Variants in AKR1E2 observed in about 807,000 individuals in gnomAD.
The protein encoded by AKR1E2 is 1,5-anhydro-D-fructose reductase.
A neutral mutation model predicts 41.9 loss-of-function variants in AKR1E2; 43 were observed. That is an observed-to-expected ratio of 1.03 (90% confidence interval 0.80 to 1.32). The LOEUF is 1.32. AKR1E2 is among the 40% of genes most tolerant of loss of function. AKR1E2 has a pLI of 0.00. For missense variants in AKR1E2, 423 were observed against 396.5 expected (o/e 1.07, Z -0.57); for synonymous variants, 121 against 138.9 (o/e 0.87, Z 0.91).
At chr10:4,844,059 G>A (rs538148612) in intron 8 of AKR1E2, among the ~76,000 whole-genome samples, 286 of 152,332 alleles carry the variant, frequency 1.9e-3, no homozygotes, top group African/African-American at 6.6e-3. Context: ...GAATTGGTGG[G>A]TTCTTGGTCT....
intron 4 of AKR1E2, 23 bp downstream of exon 4, chr10:4,835,832 G>A: frequency 6.2e-7 from 1 of 1,612,350 alleles, no homozygotes; most frequent in Non-Finnish European, 8.5e-7. Context: ...ACACCACCAG[G>A]CAGCCTCATC....
At position 4,835,820 on chromosome 10, in the gene AKR1E2, C is replaced by G. The variant is rs183306287; in HGVS notation, c.459+11C>G. The G allele has an allele frequency of 6.2e-7, 1 of 1,613,142 alleles. No individual in the cohort carries two copies. The highest frequency in any genetic ancestry group is 2.2e-5 in the East Asian group (1 of 44,846). ...CTGGACACGTGGGAGGTGAGCTGAG[C>G]CACACCACCAGGCAGCCTCATCCTG... On this transcript the variant is annotated intron_variant, in intron 4 of 9. Transcript: ENST00000298375.
chr10:4,833,534 T>C, intron 3 of AKR1E2, 68 bp downstream of exon 3: 1 of 1,350,170 alleles, frequency 7.4e-7, no homozygotes, highest in South Asian at 1.2e-5. Context: ...CACCCTGTCT[T>C]GCGGTGGGGA....
downstream of AKR1E2, among the ~76,000 whole-genome samples, chr10:4,848,287 G>A (rs1038335920): frequency 6.6e-6 from 1 of 152,204 alleles, no homozygotes; most frequent in African/African-American, 2.4e-5. Flanking sequence ...CCATAGCGGA[G>A]ATGAAATACA....
chr10:4,872,749 A>G, the AKR1E2 span, among the ~76,000 whole-genome samples: 1 of 152,224 alleles, frequency 6.6e-6, no homozygotes, highest in African/African-American at 2.4e-5. Context: ...CTAATGTGGT[A>G]AAGATAAAAT....
At chr10:4,836,592 A>G (rs2131529430) in intron 4 of AKR1E2, among the ~76,000 whole-genome samples, 1 of 152,284 alleles carries the variant, frequency 6.6e-6, no homozygotes, top group Non-Finnish European at 1.5e-5. Context: ...TCCAGGGAGG[A>G]GGCCAGAGGG....
intron 1 of AKR1E2, among the ~76,000 whole-genome samples, chr10:4,827,893 G>C (rs78533947): frequency 0.035 from 5,328 of 152,228 alleles, 151 homozygotes; most frequent in East Asian, 0.11. Flanking sequence ...TTTGGTGCAG[G>C]AGTCCAGACT....
chr10:4,829,936 A>G (rs1000421131), intron 1 of AKR1E2, among the ~76,000 whole-genome samples: 2 of 151,856 alleles, frequency 1.3e-5, no homozygotes, highest in Admixed American at 6.6e-5. Context: ...TTTCCATCCA[A>G]TTTCTTGGGT....
the AKR1E2 span, among the ~76,000 whole-genome samples, chr10:4,857,734 A>G: frequency 2.6e-5 from 4 of 152,304 alleles, no homozygotes; most frequent in East Asian, 7.7e-4. Context: ...TTGGTAGGTT[A>G]TGTGTTTCTA....
At chr10:4,828,081 G>C (rs1467996010) in intron 1 of AKR1E2, among the ~76,000 whole-genome samples, 1 of 152,194 alleles carries the variant, frequency 6.6e-6, no homozygotes, top group Non-Finnish European at 1.5e-5. Flanking sequence ...AAACATCACA[G>C]ACCTATCCGT....
chr10:4,835,368 G>A (rs1376916108), intron 3 of AKR1E2, among the ~76,000 whole-genome samples: 1 of 152,182 alleles, frequency 6.6e-6, no homozygotes, highest in East Asian at 1.9e-4. Flanking sequence ...TTCTTTACCC[G>A]AAATTAGTAA....
intron 8 of AKR1E2, among the ~76,000 whole-genome samples, chr10:4,844,320 G>C (rs1316693380): frequency 9.9e-5 from 15 of 152,184 alleles, no homozygotes; most frequent in Non-Finnish European, 7.4e-5. Context: ...CTTCAGGAGT[G>C]ATGCTGCAGA....
At chr10:4,828,895 T>C (rs902113194) in intron 1 of AKR1E2, among the ~76,000 whole-genome samples, 3 of 152,236 alleles carry the variant, frequency 2.0e-5, no homozygotes, top group Non-Finnish European at 4.4e-5. Context: ...GCTATATTCA[T>C]TACACTTCCA....
At chr10:4,831,668 A>T (rs1371994947) in intron 2 of AKR1E2, among the ~76,000 whole-genome samples, 2 of 152,198 alleles carry the variant, frequency 1.3e-5, no homozygotes, top group Non-Finnish European at 2.9e-5. Flanking sequence ...GGCTGTGGAC[A>T]CAACCAAACC....
chr10:4,834,968 A>T (rs1438604485), intron 3 of AKR1E2, among the ~76,000 whole-genome samples: 4 of 152,190 alleles, frequency 2.6e-5, no homozygotes, highest in African/African-American at 9.6e-5. Flanking sequence ...CTTTAAAGTG[A>T]GACTGTTAGT....
intron 5 of AKR1E2, among the ~76,000 whole-genome samples, chr10:4,838,049 T>C (rs184059885): frequency 4.5e-4 from 69 of 152,358 alleles, no homozygotes; most frequent in African/African-American, 1.6e-3. Flanking sequence ...GAAATAACTA[T>C]TGTATTTTCT....
At chr10:4,844,827 A>G (rs992299457) in intron 8 of AKR1E2, among the ~76,000 whole-genome samples, 5 of 152,214 alleles carry the variant, frequency 3.3e-5, no homozygotes, top group Non-Finnish European at 4.4e-5. Flanking sequence ...CCAAGTCCCC[A>G]CCAGTCAGGA....
At chr10:4,834,593 C>A (rs1833251836) in intron 3 of AKR1E2, among the ~76,000 whole-genome samples, 1 of 152,200 alleles carries the variant, frequency 6.6e-6, no homozygotes, top group African/African-American at 2.4e-5. Flanking sequence ...CATGACAGTT[C>A]TACAAAGTTG....
intron 2 of AKR1E2, 132 bp from the exon 3 acceptor site, chr10:4,833,218 T>TG: frequency 1.4e-6 from 1 of 723,010 alleles, no homozygotes; most frequent in Non-Finnish European, 2.5e-6. Flanking sequence ...CATCAGAACT[T>TG]GCCGTGTTGT....
Sources: gnomAD v4.1 joint callset for allele counts (sites outside exome capture counted in the v4.1 genomes callset) on GRCh38, gnomAD v4.1.1 for gene constraint, MANE v1.5 for transcripts, NCBI Gene and HGNC (gene_info 2026-07-23, HGNC 2026-07-21) for gene names.